Variants in TAF12 observed in about 807,000 individuals in gnomAD.
TAF12 encodes transcription initiation factor TFIID subunit 12.
Under a neutral mutation model 20.8 loss-of-function variants are expected in TAF12, and 3 were observed. That is an observed-to-expected ratio of 0.14 (90% CI 0.07 to 0.37). The LOEUF is 0.37. Ranked by LOEUF, TAF12 falls within the 10% of genes least tolerant of loss-of-function variation. The pLI, the probability that TAF12 is intolerant of heterozygous loss-of-function variation, is 1.00. For missense variants in TAF12, 131 were observed against 197.9 expected (o/e 0.66, Z 2.03); for synonymous variants, 69 against 70.2 (o/e 0.98, Z 0.09).
chr1:28,615,084 A>T (rs1393832351), intron 3 of TAF12, among the ~76,000 whole-genome samples: 1 of 152,070 alleles, frequency 6.6e-6, no homozygotes, highest in Non-Finnish European at 1.5e-5. Context: ...ACTCCAGCCT[A>T]GGTGACAGAC....
intron 4 of TAF12, among the ~76,000 whole-genome samples, chr1:28,610,924 C>A (rs1033796316): frequency 2.8e-5 from 4 of 143,908 alleles, no homozygotes; most frequent in Non-Finnish European, 6.0e-5. Context: ...TGCGCCACTG[C>A]ACTCCAGCCT....
intron 1 of TAF12, among the ~76,000 whole-genome samples, chr1:28,628,795 G>A (rs571338777): frequency 4.2e-4 from 64 of 152,336 alleles, no homozygotes; most frequent in African/African-American, 1.5e-3. Context: ...ATGTATTGCC[G>A]GATGCGGTGG....
At chr1:28,647,057 C>T (rs949962541), upstream of TAF12, among the ~76,000 whole-genome samples, 1 of 151,816 alleles carries the variant, frequency 6.6e-6, no homozygotes, top group African/African-American at 2.4e-5. Flanking sequence ...TGGTCTCAAA[C>T]TCCTGATCTT....
intron 1 of TAF12, among the ~76,000 whole-genome samples, chr1:28,636,926 T>C (rs1003192594): frequency 6.6e-6 from 1 of 152,164 alleles, no homozygotes; most frequent in Non-Finnish European, 1.5e-5. Context: ...TACATTGTGA[T>C]AGGCCTGTGG....
At chr1:28,633,413 C>A (rs1667706675) in intron 1 of TAF12, among the ~76,000 whole-genome samples, 3 of 150,598 alleles carry the variant, frequency 2.0e-5, no homozygotes, top group African/African-American at 7.3e-5. Context: ...GGTGATCCAC[C>A]CGCCTCAGCC....
intron 5 of TAF12, among the ~76,000 whole-genome samples, chr1:28,604,839 T>G (rs1016391434): frequency 6.6e-6 from 1 of 152,188 alleles, no homozygotes; most frequent in East Asian, 1.9e-4. Flanking sequence ...TGGGGATGAC[T>G]TGCTCCACAG....
At chr1:28,647,628 C>G (rs1414365945), upstream of TAF12, among the ~76,000 whole-genome samples, 1 of 152,174 alleles carries the variant, frequency 6.6e-6, no homozygotes, top group Admixed American at 6.5e-5. Flanking sequence ...AATCCCAGCA[C>G]TCTGGGAGGC....
At chr1:28,619,945 T>C (rs1667157735) in intron 2 of TAF12, among the ~76,000 whole-genome samples, 1 of 145,998 alleles carries the variant, frequency 6.8e-6, no homozygotes, top group African/African-American at 2.5e-5. Context: ...CGAGACTCTG[T>C]CTCAAAAAAA....
At chr1:28,634,768 AAAAAT>A (rs1447033814) in intron 1 of TAF12, among the ~76,000 whole-genome samples, 4 of 151,984 alleles carry the variant, frequency 2.6e-5, no homozygotes, top group African/African-American at 9.7e-5. Flanking sequence ...CATTTCTACT[AAAAAT>A]ACAAAATTAG....
At chr1:28,605,521 T>C (rs1570290726) in intron 4 of TAF12, 61 bp from the exon 5 acceptor site, 1 of 1,526,004 alleles carries the variant, frequency 6.6e-7, no homozygotes, top group African/African-American at 1.4e-5. Context: ...AGGAGTGCAA[T>C]GTGACCCCCT....
At position 28,622,117 on chromosome 1, in the gene TAF12, T is replaced by A. The variant is rs1463230309; in HGVS notation, c.-36A>T. 1 of 1,575,660 alleles carries A rather than the reference T, an allele frequency of 6.3e-7. No homozygotes were observed. Reference sequence around the variant, plus strand: ...GCTTTGGACTTCAGCTCATAGAGCTTATCGAGATCCTGTTTCTTTTTGGAG... The same window carrying A: ...GCTTTGGACTTCAGCTCATAGAGCTAATCGAGATCCTGTTTCTTTTTGGAG... On this transcript the variant is annotated 5_prime_UTR_variant, in exon 2 of 6. Coordinates refer to ENST00000373824, the MANE Select transcript of TAF12 (RefSeq NM_005644.4).
At chr1:28,641,242 G>A (rs1024544288) in intron 1 of TAF12, among the ~76,000 whole-genome samples, 2 of 152,104 alleles carry the variant, frequency 1.3e-5, no homozygotes, top group African/African-American at 2.4e-5. Flanking sequence ...AGCACTTCGG[G>A]AGGCTGAGGC....
At chr1:28,606,462 AG>A (rs1269783183) in intron 4 of TAF12, among the ~76,000 whole-genome samples, 1 of 151,392 alleles carries the variant, frequency 6.6e-6, no homozygotes, top group Non-Finnish European at 1.5e-5. Context: ...TTTTGTAGAG[AG>A]GGGGTCTTGT....
chr1:28,636,425 T>G (rs994891935), intron 1 of TAF12, among the ~76,000 whole-genome samples: 11 of 152,154 alleles, frequency 7.2e-5, no homozygotes, highest in African/African-American at 2.7e-4. Flanking sequence ...ACTGTGCCAC[T>G]TTTCAGCTGT....
chr1:28,641,834 G>C (rs1668046226), intron 1 of TAF12, among the ~76,000 whole-genome samples: 1 of 148,060 alleles, frequency 6.8e-6, no homozygotes, highest in South Asian at 2.1e-4. Flanking sequence ...TGAGTTTGAA[G>C]ATAAAGCAAA....
At chr1:28,642,579 A>G in intron 1 of TAF12, 1 of 953,996 alleles carries the variant, frequency 1.0e-6, no homozygotes, top group African/African-American at 1.8e-5. Flanking sequence ...CCCGTTTCTG[A>G]ATCCTTAGGA....
At chr1:28,608,659 G>A (rs1666752606) in intron 4 of TAF12, among the ~76,000 whole-genome samples, 1 of 152,022 alleles carries the variant, frequency 6.6e-6, no homozygotes, top group South Asian at 2.1e-4. Flanking sequence ...GGAGGCTGAA[G>A]CAGGAGAATC....
At chr1:28,627,665 C>CCAA (rs1553129026) in intron 1 of TAF12, among the ~76,000 whole-genome samples, 1 of 103,498 alleles carries the variant, frequency 9.7e-6, no homozygotes, top group African/African-American at 4.3e-5. Flanking sequence ...TGCACTCCCT[C>CCAA]AAAAAAAAAA....
At chr1:28,644,710 G>A (rs1467314581), upstream of TAF12, among the ~76,000 whole-genome samples, 3 of 152,232 alleles carry the variant, frequency 2.0e-5, no homozygotes, top group East Asian at 5.8e-4. Context: ...ATGGTCTTCA[G>A]TAAGGAAAAC....
Sources: gnomAD v4.1 joint callset for allele counts (sites outside exome capture counted in the v4.1 genomes callset) on GRCh38, gnomAD v4.1.1 for gene constraint, MANE v1.5 for transcripts, NCBI Gene and HGNC (gene_info 2026-07-23, HGNC 2026-07-21) for gene names.